The following KIAA1217 variants were observed in gnomAD, a reference collection of about 807,000 sequenced individuals.
KIAA1217 encodes KIAA1217.
A neutral mutation model predicts 163.9 loss-of-function variants in KIAA1217; 88 were observed. The observed-to-expected ratio is 0.54, with a 90% CI of 0.45 to 0.64. KIAA1217 has a LOEUF of 0.64. Among genes scored for constraint, KIAA1217 ranks in the 30% least tolerant of loss-of-function variants. The probability of loss-of-function intolerance (pLI) is 0.00; values close to 1 mark genes in which losing one functional copy is unlikely to be tolerated. For missense variants in KIAA1217, 2,372 were observed against 2,475.0 expected (o/e 0.96, Z 0.88); for synonymous variants, 903 against 923.1 (o/e 0.98, Z 0.39).
chr10:24,480,880 G>A (rs890331956), intron 6 of KIAA1217, among the ~76,000 whole-genome samples: 4 of 152,142 alleles, frequency 2.6e-5, no homozygotes, highest in Non-Finnish European at 5.9e-5. Context: ...AAACTGCTTC[G>A]AAGTTCATTT....
At chr10:23,698,847 T>A (rs1836217964) in intron 1 of KIAA1217, among the ~76,000 whole-genome samples, 1 of 152,110 alleles carries the variant, frequency 6.6e-6, no homozygotes, top group Non-Finnish European at 1.5e-5. Context: ...TACAGTGGCA[T>A]GATCTCTGCT....
intron 1 of KIAA1217, among the ~76,000 whole-genome samples, chr10:23,870,224 T>C (rs552258838): frequency 9.2e-5 from 14 of 152,122 alleles, no homozygotes; most frequent in African/African-American, 3.1e-4. Context: ...ACATCCAGAG[T>C]GAAGCCACTG....
At chr10:24,542,530 A>G (rs1360552829) in intron 17 of KIAA1217, 163 bp from the exon 18 acceptor site, 1 of 1,444,248 alleles carries the variant, frequency 6.9e-7, no homozygotes, top group Non-Finnish European at 9.1e-7. Flanking sequence ...GTTGGAGAAC[A>G]AAGCAATCCA....
intron 1 of KIAA1217, among the ~76,000 whole-genome samples, chr10:23,824,518 C>T (rs1391392613): frequency 2.7e-5 from 4 of 146,164 alleles, no homozygotes; most frequent in African/African-American, 7.6e-5. Flanking sequence ...ATCCCAGCTA[C>T]TCAGGAGGCT....
chr10:24,380,243 C>A (rs2053108356), intron 2 of KIAA1217, among the ~76,000 whole-genome samples: 1 of 151,994 alleles, frequency 6.6e-6, no homozygotes. Flanking sequence ...ATTTGTCGGG[C>A]AAAAGGAATT....
At chr10:24,310,014 G>A (rs767670391) in intron 2 of KIAA1217, among the ~76,000 whole-genome samples, 6 of 152,144 alleles carry the variant, frequency 3.9e-5, no homozygotes, top group Non-Finnish European at 7.3e-5. Flanking sequence ...AAGAGATCAT[G>A]TCCTAACTAG....
At chr10:23,831,042 A>G (rs912482242) in intron 1 of KIAA1217, among the ~76,000 whole-genome samples, 3 of 152,102 alleles carry the variant, frequency 2.0e-5, no homozygotes, top group African/African-American at 7.2e-5. Flanking sequence ...TTGACCTCCA[A>G]TTCTAGAACT....
At chr10:23,981,958 G>A (rs1302702406) in intron 1 of KIAA1217, among the ~76,000 whole-genome samples, 1 of 151,946 alleles carries the variant, frequency 6.6e-6, no homozygotes, top group Non-Finnish European at 1.5e-5. Flanking sequence ...GAAAATGATG[G>A]TACGTTAAAC....
chr10:23,941,028 G>C (rs1435436824), intron 1 of KIAA1217, among the ~76,000 whole-genome samples: 1 of 152,134 alleles, frequency 6.6e-6, no homozygotes, highest in East Asian at 1.9e-4. Context: ...CTGTCTGCAG[G>C]CGCCTGCAGA....
At chr10:24,032,719 T>A (rs1329756489) in intron 2 of KIAA1217, among the ~76,000 whole-genome samples, 2 of 152,212 alleles carry the variant, frequency 1.3e-5, no homozygotes, top group East Asian at 3.9e-4. Flanking sequence ...TATTACTAAT[T>A]AGTCATAAGA....
intron 3 of KIAA1217, among the ~76,000 whole-genome samples, chr10:24,415,629 C>T (rs568353134): frequency 3.7e-4 from 57 of 152,078 alleles, no homozygotes; most frequent in Non-Finnish European, 6.8e-4. Flanking sequence ...GCCAACAGAT[C>T]GGTCTCAACC....
intron 2 of KIAA1217, among the ~76,000 whole-genome samples, chr10:24,124,228 C>A (rs6482369): frequency 0.65 from 98,666 of 151,778 alleles, 32,386 homozygotes; most frequent in South Asian, 0.76. Flanking sequence ...ATATGATGGC[C>A]TGTATTATCC....
At position 24,052,891 on chromosome 10, in the gene KIAA1217, C is replaced by A. The variant is rs150610061; in HGVS notation, c.-171+45517C>A. Among the ~76,000 whole-genome samples the A allele has an allele frequency of 1.1e-4, 16 of 152,278 alleles. No homozygotes were observed. The East Asian group carries it at 3.1e-3, about 29-fold the overall frequency. On this transcript the variant is annotated intron_variant, in intron 2 of 18. Coordinates refer to the KIAA1217 transcript ENST00000376462. ...TCAATCTGCCTATTAGATTACCCAT[C>A]TCTTCTATAATCACATAATACCAAC...
chr10:24,356,952 A>C (rs190130114), intron 2 of KIAA1217, among the ~76,000 whole-genome samples: 2 of 152,362 alleles, frequency 1.3e-5, no homozygotes, highest in African/African-American at 4.8e-5. Flanking sequence ...CCAAGTCTTC[A>C]TTTTAATGCA....
At chr10:24,529,758 G>A (rs1204861673) in intron 14 of KIAA1217, among the ~76,000 whole-genome samples, 5 of 151,358 alleles carry the variant, frequency 3.3e-5, no homozygotes, top group Admixed American at 6.6e-5. Context: ...CACAGTCCCC[G>A]TGGAGAATTT....
intron 2 of KIAA1217, among the ~76,000 whole-genome samples, chr10:24,257,419 C>G (rs1018652643): frequency 6.6e-6 from 1 of 152,068 alleles, no homozygotes; most frequent in Non-Finnish European, 1.5e-5. Context: ...GTGGGGAGCC[C>G]GGATGAGATG....
intron 2 of KIAA1217, among the ~76,000 whole-genome samples, chr10:24,073,627 G>A (rs930985717): frequency 5.3e-5 from 8 of 152,166 alleles, no homozygotes; most frequent in African/African-American, 1.9e-4. Flanking sequence ...CGATGCACTG[G>A]AGCAACTTAT....
intron 1 of KIAA1217, among the ~76,000 whole-genome samples, chr10:23,866,090 T>C (rs1052727860): frequency 6.6e-6 from 1 of 152,304 alleles, no homozygotes; most frequent in South Asian, 2.1e-4. Context: ...AACATCAAAT[T>C]ATTTCACACA....
intron 1 of KIAA1217, among the ~76,000 whole-genome samples, chr10:23,922,005 G>A (rs1176199480): frequency 6.6e-6 from 1 of 152,020 alleles, no homozygotes; most frequent in Non-Finnish European, 1.5e-5. Flanking sequence ...AGTTGCCAGA[G>A]GTACCAGCCA....
Sources: allele counts gnomAD v4.1 joint callset (sites outside exome capture counted in the v4.1 genomes callset), GRCh38; gene constraint gnomAD v4.1.1; transcripts MANE v1.5; gene names NCBI Gene and HGNC (gene_info 2026-07-23, HGNC 2026-07-21).